KCNMA1: variants seen among roughly 807,000 people sequenced by gnomAD.
KCNMA1 encodes potassium calcium-activated channel subfamily M alpha 1.
In KCNMA1, 29 loss-of-function variants were observed where a neutral mutation model predicts 140.0. The ratio of observed to expected loss-of-function variants is 0.21; its 90% CI spans 0.15 to 0.28. The LOEUF (loss-of-function observed/expected upper bound fraction) is 0.28, where lower values mean the gene tolerates loss of function less well. Ranked by LOEUF, KCNMA1 falls within the 10% of genes least tolerant of loss-of-function variation. KCNMA1 has a pLI of 1.00. For missense variants in KCNMA1, 880 were observed against 1,602.2 expected (o/e 0.55, Z 7.70); for synonymous variants, 612 against 611.9 (o/e 1.00, Z 0.00).
intron 2 of KCNMA1, among the ~76,000 whole-genome samples, chr10:77,272,993 A>T (rs1462958049): frequency 6.6e-6 from 1 of 152,240 alleles, no homozygotes; most frequent in East Asian, 1.9e-4. Flanking sequence ...GCCAGAGAAG[A>T]GAAAGCTTAA....
chr10:77,118,559 C>T (rs1442757857), intron 6 of KCNMA1, among the ~76,000 whole-genome samples: 1 of 152,218 alleles, frequency 6.6e-6, no homozygotes, highest in East Asian at 1.9e-4. Flanking sequence ...AAGTGTTATG[C>T]TCTCACACCA....
At chr10:77,595,182 C>A (rs2154565424) in intron 1 of KCNMA1, among the ~76,000 whole-genome samples, 1 of 152,102 alleles carries the variant, frequency 6.6e-6, no homozygotes, top group African/African-American at 2.4e-5. Context: ...CCCATCTCTA[C>A]TAAAAAATCC....
chr10:77,264,782 C>G (rs1007659906), intron 2 of KCNMA1, among the ~76,000 whole-genome samples: 4 of 152,168 alleles, frequency 2.6e-5, no homozygotes, highest in Non-Finnish European at 4.4e-5. Context: ...CAGCCCCAGC[C>G]TGATCACCAA....
chr10:77,357,228 G>C (rs892389852), intron 2 of KCNMA1, among the ~76,000 whole-genome samples: 29 of 152,094 alleles, frequency 1.9e-4, no homozygotes, highest in African/African-American at 7.0e-4. Context: ...CCATTTTTTT[G>C]GTTCTTAAGC....
intron 1 of KCNMA1, among the ~76,000 whole-genome samples, chr10:77,421,568 A>T (rs1284487312): frequency 6.6e-6 from 1 of 152,226 alleles, no homozygotes; most frequent in Non-Finnish European, 1.5e-5. Context: ...TAAACAAAGG[A>T]GTGTGGTTGT....
chr10:77,472,451 A>G (rs1220236222), intron 1 of KCNMA1, among the ~76,000 whole-genome samples: 1 of 147,010 alleles, frequency 6.8e-6, no homozygotes, highest in African/African-American at 2.5e-5. Context: ...TCACACACAC[A>G]TCACACACAC....
At chr10:76,960,930 C>T (rs554938885) in intron 20 of KCNMA1, among the ~76,000 whole-genome samples, 9 of 152,030 alleles carry the variant, frequency 5.9e-5, no homozygotes, top group African/African-American at 2.2e-4. Flanking sequence ...ACTGATAACG[C>T]ACCCAATTAT....
chr10:76,961,989 C>T (rs576458519), intron 20 of KCNMA1, among the ~76,000 whole-genome samples: 3 of 152,246 alleles, frequency 2.0e-5, no homozygotes, highest in East Asian at 3.9e-4. Flanking sequence ...TTTGAGGATT[C>T]GCAGAGCAAG....
At chr10:77,257,024 G>A (rs546425671) in intron 2 of KCNMA1, among the ~76,000 whole-genome samples, 65 of 152,122 alleles carry the variant, frequency 4.3e-4, no homozygotes, top group African/African-American at 1.3e-3. Context: ...CAGGAGGATC[G>A]CTTGAGCCTG....
chr10:77,535,837 A>C (rs1458724502), intron 1 of KCNMA1, among the ~76,000 whole-genome samples: 2 of 152,200 alleles, frequency 1.3e-5, no homozygotes, highest in African/African-American at 4.8e-5. Context: ...AAGCTAAAAA[A>C]CTATCTCATG....
intron 10 of KCNMA1, among the ~76,000 whole-genome samples, chr10:77,089,498 G>A (rs2096767086): frequency 6.6e-6 from 1 of 152,134 alleles, no homozygotes; most frequent in African/African-American, 2.4e-5. Flanking sequence ...TATCTAAAAA[G>A]AGGATTAGTC....
At chr10:76,877,208 G>A (rs2032552433), downstream of KCNMA1, 3 of 153,092 alleles carry the variant, frequency 2.0e-5, no homozygotes, top group South Asian at 6.2e-4. Context: ...TCCAGGCGAG[G>A]AGCAGGTATT....
intron 1 of KCNMA1, among the ~76,000 whole-genome samples, chr10:77,534,932 A>G (rs1474079758): frequency 1.3e-5 from 2 of 152,166 alleles, no homozygotes; most frequent in South Asian, 2.1e-4. Context: ...TCCAACTTAT[A>G]CCCTGCAACC....
At chr10:77,277,401 A>G (rs1387780089) in intron 2 of KCNMA1, among the ~76,000 whole-genome samples, 1 of 152,174 alleles carries the variant, frequency 6.6e-6, no homozygotes, top group Non-Finnish European at 1.5e-5. Context: ...CTGTCCAGCA[A>G]GCTGATGCAT....
rs1032009105 is a variant in KCNMA1, at chr10:77,012,350, C to T, written c.2016-307G>A. The T allele has an allele frequency of 1.8e-5, 26 of 1,481,200 alleles. No individual in the cohort carries two copies. The African/African-American group carries it at 2.5e-4, about 15-fold the overall frequency. The allele number at this position is 1,481,200 out of a possible 1,614,324, so 91.8% of individuals were successfully genotyped here. A position where few individuals can be genotyped will look rare whatever the true frequency, so the allele number is the denominator to read the frequency against. The stretch of plus-strand genomic sequence containing the variant: ...TTCGTCTTTCATTTTTGAGAACAGC[C>T]TTTGATGCTACTCGTGGGGACATGT... On this transcript the variant is annotated intron_variant, in intron 17 of 27. Transcript: ENST00000286628.
chr10:77,370,049 G>A (rs1426492508), intron 2 of KCNMA1, among the ~76,000 whole-genome samples: 1 of 152,108 alleles, frequency 6.6e-6, no homozygotes, highest in Non-Finnish European at 1.5e-5. Context: ...ATGACATATT[G>A]CCCCCCAAAA....
At chr10:77,599,973 G>T (rs1439245954) in intron 1 of KCNMA1, among the ~76,000 whole-genome samples, 1 of 152,150 alleles carries the variant, frequency 6.6e-6, no homozygotes, top group African/African-American at 2.4e-5. Flanking sequence ...CCACAGACTT[G>T]TCCCTGTGTG....
chr10:77,086,382 G>A, intron 11 of KCNMA1, 106 bp downstream of exon 11: 1 of 810,194 alleles, frequency 1.2e-6, no homozygotes, highest in Admixed American at 1.8e-5. Context: ...TTTAGGAGAT[G>A]ACTCGTGGCC....
At chr10:77,071,661 A>G (rs2096218976) in intron 14 of KCNMA1, 2 of 152,212 alleles carry the variant, frequency 1.3e-5, no homozygotes, top group East Asian at 3.9e-4. Flanking sequence ...GGAATGCAAC[A>G]TCTTTATTTG....
Sources: gnomAD v4.1 joint callset for allele counts (sites outside exome capture counted in the v4.1 genomes callset) on GRCh38, gnomAD v4.1.1 for gene constraint, MANE v1.5 for transcripts, NCBI Gene and HGNC (gene_info 2026-07-23, HGNC 2026-07-21) for gene names.